The following MAP3K15 variants were observed in gnomAD, a reference collection of about 807,000 sequenced individuals.
The protein encoded by MAP3K15 is mitogen-activated protein kinase kinase kinase 15, also known as MAPK/ERK kinase kinase 15.
Under a neutral mutation model 99.5 loss-of-function variants are expected in MAP3K15, and 124 were observed. That is an observed-to-expected ratio of 1.25 (90% CI 1.08 to 1.45). The LOEUF is 1.45. Among genes scored for constraint, MAP3K15 ranks in the 40% most tolerant of loss-of-function variants. The pLI is 0.00. For missense variants in MAP3K15, 1,242 were observed against 1,079.7 expected (o/e 1.15, Z -2.11); for synonymous variants, 494 against 439.6 (o/e 1.12, Z -1.55).
chrX:19,499,791 T>C (rs1235009874), intron 1 of MAP3K15, among the ~76,000 whole-genome samples: 2 of 110,970 alleles, frequency 1.8e-5, no homozygotes. Flanking sequence ...GGGGTAAAGG[T>C]AGGATTGAGG....
At chrX:19,374,693 G>A (rs1436941748) in intron 19 of MAP3K15, 33 bp from the exon 20 acceptor site, 1 of 1,160,042 alleles carries the variant, frequency 8.6e-7, no homozygotes, top group Non-Finnish European at 1.2e-6. Flanking sequence ...CGATGTGTCA[G>A]TGAGGCCTTG....
intron 25 of MAP3K15, among the ~76,000 whole-genome samples, chrX:19,367,830 C>G (rs1322445150): frequency 1.1e-5 from 1 of 95,228 alleles, no homozygotes; most frequent in African/African-American, 3.9e-5. Context: ...CTCACTGCAA[C>G]CTCCGCCTCC....
intron 18 of MAP3K15, among the ~76,000 whole-genome samples, chrX:19,385,795 A>G (rs1162363570): frequency 9.0e-6 from 1 of 110,759 alleles, no homozygotes; most frequent in African/African-American, 3.3e-5. Context: ...ACACTACATC[A>G]AGAAGAAGCG....
intron 6 of MAP3K15, among the ~76,000 whole-genome samples, chrX:19,445,767 C>T (rs969467446): frequency 1.9e-5 from 2 of 107,810 alleles, no homozygotes; most frequent in Admixed American, 2.0e-4. Flanking sequence ...GCCAACATAG[C>T]GAAAGCCAAT....
intron 18 of MAP3K15, 27 bp downstream of exon 18, chrX:19,391,975 C>A (rs1051070651): frequency 9.0e-7 from 1 of 1,110,046 alleles, no homozygotes; most frequent in Non-Finnish European, 1.2e-6. Flanking sequence ...GGGATGGGCA[C>A]CCTGTGCCAA....
rs1248522443 is a variant in MAP3K15, at chrX:19,386,363, G to A, written c.2431+5639C>T. Among the ~76,000 whole-genome samples, 5 of 111,595 alleles carry A rather than the reference G, an allele frequency of 4.5e-5. No individual in the cohort carries two copies. In the East Asian group the frequency reaches 1.4e-3, roughly 31 times the overall value. ...CCCAGCTACTTGGGAGGCTGAGGCA[G>A]GAGAATCGTTTGAACCCGGGTGGTG... On this transcript the variant is annotated intron_variant, in intron 18 of 28. Transcript: ENST00000338883.
At chrX:19,390,092 G>C (rs989818608) in intron 18 of MAP3K15, among the ~76,000 whole-genome samples, 1 of 110,641 alleles carries the variant, frequency 9.0e-6, no homozygotes, top group African/African-American at 3.3e-5. Context: ...ATTCTCTTTA[G>C]ATGGTGAATG....
chrX:19,507,575 C>CAAAAAAAAAAAAAAAAA (rs1165492097), intron 1 of MAP3K15, among the ~76,000 whole-genome samples: 1 of 10,893 alleles, frequency 9.2e-5, no homozygotes, highest in Non-Finnish European at 1.6e-4. Context: ...CACCTTGTCT[C>CAAAAAAAAAAAAAAAAA]AAAAAAAAAA....
At chrX:19,513,085 G>A (rs2064532352) in intron 1 of MAP3K15, among the ~76,000 whole-genome samples, 1 of 111,594 alleles carries the variant, frequency 9.0e-6, no homozygotes, top group Non-Finnish European at 1.9e-5. Context: ...TCAAGACCAG[G>A]ACAAGGTTAA....
At chrX:19,487,878 T>C (rs1008666513) in intron 2 of MAP3K15, among the ~76,000 whole-genome samples, 2 of 111,401 alleles carry the variant, frequency 1.8e-5, no homozygotes, top group East Asian at 5.6e-4. Context: ...AAATGATGTC[T>C]GTGAAGGCTG....
intron 19 of MAP3K15, among the ~76,000 whole-genome samples, chrX:19,376,002 C>T (rs1174757950): frequency 8.9e-6 from 1 of 112,125 alleles, no homozygotes; most frequent in Non-Finnish European, 1.9e-5. Flanking sequence ...ACTAGGGGTA[C>T]AAAGACCAAC....
intron 3 of MAP3K15, chrX:19,466,756 A>C (rs2064172306): frequency 9.2e-6 from 1 of 108,354 alleles, no homozygotes. Context: ...AGAAGGAAAA[A>C]TACCTTTGAA....
chrX:19,416,698 C>A (rs1264470733), intron 9 of MAP3K15, among the ~76,000 whole-genome samples: 2 of 112,102 alleles, frequency 1.8e-5, no homozygotes, highest in Non-Finnish European at 3.8e-5. Flanking sequence ...ATTCATGAAG[C>A]CGTCACTGCA....
rs773012317 is a variant in MAP3K15 at position 19,360,706 on chromosome X, T to C, written c.*43A>G. ...CACTAACAGAAGCTTTAACAAAACA[T>C]GTAGCGTGGTGGGACACTCTGCCAC... On this transcript the variant is annotated 3_prime_UTR_variant, in exon 29 of 29. Transcript: ENST00000338883. 4 of 1,017,230 alleles carry C rather than the reference T, an allele frequency of 3.9e-6. No homozygotes were observed. Among genetic ancestry groups the C allele is most frequent in the South Asian group, 3.9e-5 (2 of 51,150 alleles). The allele number at this position is 1,017,230 out of a possible 1,213,427, so 83.8% of individuals were successfully genotyped here.
At chrX:19,414,457 G>A (rs73193528) in intron 10 of MAP3K15, 5,038 of 152,307 alleles carry the variant, frequency 0.033, 91 homozygotes, top group Non-Finnish European at 0.046. Context: ...AATTCTCAAC[G>A]CATAAATATG....
intron 6 of MAP3K15, among the ~76,000 whole-genome samples, chrX:19,435,328 C>A (rs1272133458): frequency 9.2e-6 from 1 of 109,148 alleles, no homozygotes; most frequent in Non-Finnish European, 1.9e-5. Flanking sequence ...CAGGCTCAAG[C>A]GATCCACCCA....
At chrX:19,415,647 C>T (rs766404317) in intron 9 of MAP3K15, among the ~76,000 whole-genome samples, 1 of 110,708 alleles carries the variant, frequency 9.0e-6, no homozygotes, top group East Asian at 2.8e-4. Flanking sequence ...CCAATAGATA[C>T]ATTGGAAAAT....
intron 25 of MAP3K15, among the ~76,000 whole-genome samples, chrX:19,368,460 CCTA>C (rs2063350996): frequency 8.8e-6 from 1 of 113,112 alleles, no homozygotes; most frequent in Non-Finnish European, 1.9e-5. Context: ...ATATTAAGCA[CCTA>C]CTATGTGCCA....
intron 5 of MAP3K15, among the ~76,000 whole-genome samples, chrX:19,459,473 G>A (rs2064116019): frequency 8.9e-6 from 1 of 112,299 alleles, no homozygotes; most frequent in African/African-American, 3.2e-5. Context: ...CAGCCCCGAT[G>A]TGACAAAACC....
Sources: gnomAD v4.1 joint callset for allele counts (sites outside exome capture counted in the v4.1 genomes callset) on GRCh38, gnomAD v4.1.1 for gene constraint, MANE v1.5 for transcripts, NCBI Gene and HGNC (gene_info 2026-07-23, HGNC 2026-07-21) for gene names.